The following CDKN2B-AS1 variants were observed in gnomAD, a reference collection of about 807,000 sequenced individuals.
CDKN2B-AS1 encodes the protein CDKN2B and CDKN2A antisense cis and trans regulatory RNA 1.
intron 1 of CDKN2B-AS1, chr9:22,008,905 C>A (rs1821341503): frequency 6.2e-7 from 1 of 1,612,990 alleles, no homozygotes. Context: ...CTGGCCAGAC[C>A]CTCATCGCTG....
chr9:22,025,069 C>G (rs1822175073), intron 1 of CDKN2B-AS1, among the ~76,000 whole-genome samples: 1 of 152,228 alleles, frequency 6.6e-6, no homozygotes, highest in African/African-American at 2.4e-5. Flanking sequence ...TGTCCATGCA[C>G]TGCTGTAGAC....
chr9:22,070,752 G>A (rs946635705), intron 4 of CDKN2B-AS1, among the ~76,000 whole-genome samples: 1 of 152,150 alleles, frequency 6.6e-6, no homozygotes, highest in Admixed American at 6.5e-5. Context: ...CTGGTGCACA[G>A]CAAGATATTA....
At chr9:22,047,993 A>G (rs537136328) in intron 2 of CDKN2B-AS1, among the ~76,000 whole-genome samples, 50 of 151,680 alleles carry the variant, frequency 3.3e-4, no homozygotes, top group African/African-American at 1.1e-3. Context: ...TGGGTTTTCA[A>G]CATGTTGCCT....
chr9:22,121,120 T>G (rs943273546), intron 4 of CDKN2B-AS1: 2 of 152,120 alleles, frequency 1.3e-5, no homozygotes, highest in African/African-American at 4.8e-5. Context: ...CATGTTATAA[T>G]ACTTTTTCAC....
At chr9:22,087,059 G>A (rs575774994) in intron 4 of CDKN2B-AS1, among the ~76,000 whole-genome samples, 2 of 152,294 alleles carry the variant, frequency 1.3e-5, no homozygotes, top group African/African-American at 4.8e-5. Context: ...ATCTTCTTTA[G>A]CCCCTCCTTA....
intron 1 of CDKN2B-AS1, among the ~76,000 whole-genome samples, chr9:22,041,847 G>A (rs1822909810): frequency 1.3e-5 from 2 of 152,048 alleles, no homozygotes; most frequent in South Asian, 4.1e-4. Context: ...GCAATAGGGA[G>A]TGGCCTTGAT....
At chr9:22,027,337 C>A (rs942371541) in intron 1 of CDKN2B-AS1, among the ~76,000 whole-genome samples, 1 of 152,032 alleles carries the variant, frequency 6.6e-6, no homozygotes, top group Non-Finnish European at 1.5e-5. Context: ...ATATAAGGAA[C>A]ATATCTCATG....
intron 4 of CDKN2B-AS1, among the ~76,000 whole-genome samples, chr9:22,115,106 C>A (rs10965235): frequency 0.15 from 22,200 of 152,084 alleles, 4,797 homozygotes; most frequent in African/African-American, 0.47. Context: ...AGCTGTAGAG[C>A]TATGTCAGAC....
chr9:22,117,911 G>C (rs1563992037), intron 4 of CDKN2B-AS1: 1 of 152,212 alleles, frequency 6.6e-6, no homozygotes, highest in African/African-American at 2.4e-5. Context: ...GTATCTGCCT[G>C]TGTGTGATTT....
chr9:22,026,856 A>C (rs1822261030), intron 1 of CDKN2B-AS1, among the ~76,000 whole-genome samples: 3 of 152,138 alleles, frequency 2.0e-5, no homozygotes, highest in Admixed American at 6.5e-5. Flanking sequence ...TGAGTTCACA[A>C]GGGGATCTCC....
intron 4 of CDKN2B-AS1, among the ~76,000 whole-genome samples, chr9:22,122,182 T>C (rs944997991): frequency 3.3e-5 from 5 of 152,086 alleles, no homozygotes; most frequent in African/African-American, 9.7e-5. Flanking sequence ...CATATATTTA[T>C]TGGCCATTTG....
intron 3 of CDKN2B-AS1, among the ~76,000 whole-genome samples, chr9:22,053,185 A>C (rs1029122130): frequency 1.3e-5 from 2 of 152,216 alleles, no homozygotes; most frequent in Non-Finnish European, 2.9e-5. Flanking sequence ...ATTATCACAC[A>C]ATTAATATGG....
intron 4 of CDKN2B-AS1, among the ~76,000 whole-genome samples, chr9:22,079,705 C>T (rs1033222135): frequency 6.6e-6 from 1 of 151,338 alleles, no homozygotes; most frequent in East Asian, 1.9e-4. Context: ...CAGAATAGGA[C>T]TTTACTCCAG....
chr9:22,082,520 A>C (rs73432911), intron 4 of CDKN2B-AS1, among the ~76,000 whole-genome samples: 1,959 of 152,244 alleles, frequency 0.013, 43 homozygotes, highest in African/African-American at 0.045. Context: ...ATCCCACTGC[A>C]CTCCAAAATT....
intron 3 of CDKN2B-AS1, among the ~76,000 whole-genome samples, chr9:22,051,983 A>C (rs1296671653): frequency 6.6e-6 from 1 of 152,172 alleles, no homozygotes; most frequent in Admixed American, 6.6e-5. Flanking sequence ...TTGTAATAAA[A>C]TCCATTTTAG....
intron 1 of CDKN2B-AS1, among the ~76,000 whole-genome samples, chr9:22,029,163 TC>T (rs1171317907): frequency 6.6e-6 from 1 of 152,148 alleles, no homozygotes. Context: ...TATATTTTGA[TC>T]CCCTTCCCCA....
chr9:22,072,093 A>G (rs1824318895), intron 4 of CDKN2B-AS1, among the ~76,000 whole-genome samples: 1 of 152,244 alleles, frequency 6.6e-6, no homozygotes, highest in Admixed American at 6.5e-5. Context: ...AAGCACATTC[A>G]TGCCTAAATG....
chr9:22,062,972 G>GACACACACAC (rs1338866723), intron 4 of CDKN2B-AS1, among the ~76,000 whole-genome samples: 1 of 47,574 alleles, frequency 2.1e-5, no homozygotes, highest in East Asian at 1.3e-3. Context: ...GTGTGTGAAA[G>GACACACACAC]ACAGACACAC....
At chr9:22,054,370 A>G (rs912190815) in intron 3 of CDKN2B-AS1, among the ~76,000 whole-genome samples, 2 of 152,234 alleles carry the variant, frequency 1.3e-5, no homozygotes, top group African/African-American at 2.4e-5. Flanking sequence ...AGTGGTATCT[A>G]TTATTAAATC....
Sources: allele counts gnomAD v4.1 joint callset (sites outside exome capture counted in the v4.1 genomes callset), GRCh38; gene constraint gnomAD v4.1.1; transcripts MANE v1.5; gene names NCBI Gene and HGNC (gene_info 2026-07-23, HGNC 2026-07-21).